CPVL: variants seen among roughly 807,000 people sequenced by gnomAD.
CPVL encodes the protein probable serine carboxypeptidase CPVL.
CPVL carries 51 observed loss-of-function variants against 63.7 expected under a neutral mutation model. The ratio of observed to expected loss-of-function variants is 0.80; its 90% confidence interval spans 0.64 to 1.01. The LOEUF (loss-of-function observed/expected upper bound fraction) is 1.01, where lower values mean the gene tolerates loss of function less well. Ranked by LOEUF, CPVL falls within the 50% of genes least tolerant of loss-of-function variation. The pLI, the probability that CPVL is intolerant of heterozygous loss-of-function variation, is 0.00. For synonymous variants in CPVL, 195 were observed against 206.0 expected, an observed-to-expected ratio of 0.95 and a Z score of 0.46; for missense variants, 530 against 573.1, an observed-to-expected ratio of 0.92 and a Z score of 0.77.
intron 1 of CPVL, chr7:29,195,046 C>T (rs1554358609): frequency 1.9e-6 from 3 of 1,539,368 alleles, no homozygotes; most frequent in Non-Finnish European, 2.6e-6. Context: ...CCACTGCCCT[C>T]GCCCCGCAGC....
chr7:29,033,763 C>T (rs143625163), intron 11 of CPVL, among the ~76,000 whole-genome samples: 2 of 152,332 alleles, frequency 1.3e-5, no homozygotes, highest in East Asian at 3.9e-4. Flanking sequence ...CCTGAACATG[C>T]ATTTCCTCAC....
intron 6 of CPVL, among the ~76,000 whole-genome samples, chr7:29,091,515 C>G (rs1253509637): frequency 2.6e-5 from 4 of 152,048 alleles, no homozygotes; most frequent in Non-Finnish European, 5.9e-5. Flanking sequence ...CCGTCCGTTA[C>G]GTCTGTGGAG....
chr7:29,131,417 A>G (rs1790683971), intron 1 of CPVL, among the ~76,000 whole-genome samples: 1 of 152,200 alleles, frequency 6.6e-6, no homozygotes, highest in Non-Finnish European at 1.5e-5. Context: ...AGTGACTACT[A>G]TTTGTAGCAG....
At chr7:29,087,182 T>A (rs1382296008) in intron 6 of CPVL, among the ~76,000 whole-genome samples, 1 of 151,982 alleles carries the variant, frequency 6.6e-6, no homozygotes, top group East Asian at 1.9e-4. Context: ...TACCAGGACT[T>A]TGGGAGGCTA....
chr7:29,090,470 C>G (rs1785654439), intron 6 of CPVL, among the ~76,000 whole-genome samples: 1 of 152,158 alleles, frequency 6.6e-6, no homozygotes, highest in African/African-American at 2.4e-5. Context: ...TGCAAACCAA[C>G]ATGTAGGAGA....
rs372212523 is a variant in CPVL at position 29,135,830 on chromosome 7, C to T, written c.-11+10599G>A. Among the ~76,000 whole-genome samples the T allele has an allele frequency of 2.2e-4, 33 of 152,306 alleles. 1 individual carries two copies. In the East Asian group the frequency reaches 4.6e-3, roughly 21 times the overall value. ...CATCCCACCTTAGCCTCCCAGAGTG[C>T]TGCTATTACAGATGTGAGCTACCAC... On this transcript the variant is annotated intron_variant, in intron 1 of 12. Transcript: ENST00000265394.
intron 5 of CPVL, among the ~76,000 whole-genome samples, chr7:29,163,264 A>G (rs1279075293): frequency 6.6e-6 from 1 of 152,152 alleles, no homozygotes; most frequent in East Asian, 1.9e-4. Context: ...TATATACTGG[A>G]TTTTGAAGAC....
chr7:29,168,349 T>C (rs776413299), intron 5 of CPVL, among the ~76,000 whole-genome samples: 36 of 152,216 alleles, frequency 2.4e-4, no homozygotes, highest in Non-Finnish European at 4.6e-4. Context: ...CAATTTTTGG[T>C]TTTTCTTTTA....
chr7:29,135,371 G>T (rs550272920), intron 1 of CPVL, among the ~76,000 whole-genome samples: 1 of 150,336 alleles, frequency 6.7e-6, no homozygotes, highest in South Asian at 2.1e-4. Flanking sequence ...TTGCTCTGTC[G>T]CCCAGGCTGG....
At position 29,001,590 on chromosome 7, in the gene CPVL, C is replaced by T. The variant is rs552891600; in HGVS notation, c.1321-5708G>A. 5.9e-5 allele frequency among the ~76,000 whole-genome samples: 9 copies of T among 152,212 alleles called. No individual in the cohort carries two copies. The South Asian group carries it at 1.5e-3, about 25-fold the overall frequency. ...AACAAAGAATGCAATAAGTCACTTTCGAAAGAATGAAAAAACAGCAGAGAT... is the reference window on the plus strand; with the variant it reads ...AACAAAGAATGCAATAAGTCACTTTTGAAAGAATGAAAAAACAGCAGAGAT... On this transcript the variant is annotated intron_variant, in intron 12 of 12. Transcript: ENST00000265394.
intron 2 of CPVL, among the ~76,000 whole-genome samples, chr7:29,119,724 C>A (rs1260757159): frequency 6.6e-6 from 1 of 152,148 alleles, no homozygotes; most frequent in Non-Finnish European, 1.5e-5. Flanking sequence ...GTTGTTAAAG[C>A]TCCATCTTAT....
intron 12 of CPVL, among the ~76,000 whole-genome samples, chr7:29,003,504 G>A (rs2529480): frequency 0.84 from 127,652 of 152,240 alleles, 54,236 homozygotes; most frequent in African/African-American, 0.95. Context: ...AAAATTATCC[G>A]TAATGGAAAC....
chr7:29,069,299 T>C (rs1035034977), intron 9 of CPVL, among the ~76,000 whole-genome samples: 7 of 151,394 alleles, frequency 4.6e-5, no homozygotes, highest in Non-Finnish European at 8.8e-5. Flanking sequence ...AAATTAGCCA[T>C]TCGTGGTGGC....
intron 5 of CPVL, among the ~76,000 whole-genome samples, chr7:29,175,200 G>A (rs987040233): frequency 2.0e-5 from 3 of 150,834 alleles, no homozygotes; most frequent in Non-Finnish European, 4.4e-5. Context: ...TTTGAGACGG[G>A]GCCTCTCTCT....
chr7:29,083,634 A>G (rs1784945237), intron 7 of CPVL, among the ~76,000 whole-genome samples: 1 of 152,226 alleles, frequency 6.6e-6, no homozygotes, highest in Non-Finnish European at 1.5e-5. Flanking sequence ...TACAAAGCCA[A>G]GTACATAGAT....
At chr7:29,136,747 TAAG>T (rs1791268422) in intron 1 of CPVL, among the ~76,000 whole-genome samples, 1 of 152,168 alleles carries the variant, frequency 6.6e-6, no homozygotes, top group African/African-American at 2.4e-5. Flanking sequence ...CAAAAGTAGT[TAAG>T]AAGAACTCAA....
chr7:29,130,266 G>A (rs1683526559), intron 1 of CPVL, among the ~76,000 whole-genome samples: 1 of 152,114 alleles, frequency 6.6e-6, no homozygotes, highest in African/African-American at 2.4e-5. Context: ...AATTCTGACT[G>A]GCCAACACTA....
chr7:29,133,913 AG>A (rs1584361598), intron 1 of CPVL, among the ~76,000 whole-genome samples: 2 of 152,214 alleles, frequency 1.3e-5, no homozygotes, highest in Non-Finnish European at 2.9e-5. Context: ...AGAAGGCAAA[AG>A]TAAAGTATGG....
intron 11 of CPVL, among the ~76,000 whole-genome samples, chr7:29,035,717 C>T (rs1364692909): frequency 6.6e-6 from 1 of 152,190 alleles, no homozygotes; most frequent in Admixed American, 6.5e-5. Context: ...GGATTCTGCT[C>T]TTTAATGGTT....
Sources: allele counts gnomAD v4.1 joint callset (sites outside exome capture counted in the v4.1 genomes callset), GRCh38; gene constraint gnomAD v4.1.1; transcripts MANE v1.5; gene names NCBI Gene and HGNC (gene_info 2026-07-23, HGNC 2026-07-21).